STS: variants seen among roughly 807,000 people sequenced by gnomAD.
STS encodes the protein steroid sulfatase, also known as steryl-sulfatase.
A neutral mutation model predicts 26.8 loss-of-function variants in STS; 7 were observed. The observed-to-expected ratio is 0.26, with a 90% CI of 0.15 to 0.49. The LOEUF is 0.49. Ranked by LOEUF, STS falls within the 20% of genes least tolerant of loss-of-function variation. The pLI is 0.98. For missense variants in STS, 434 were observed against 465.6 expected, an observed-to-expected ratio of 0.93 and a Z score of 0.63; for synonymous variants, 199 against 189.4, an observed-to-expected ratio of 1.05 and a Z score of -0.42.
chrX:7,255,890 C>T (rs1359316575), intron 3 of STS, among the ~76,000 whole-genome samples: 1 of 112,444 alleles, frequency 8.9e-6, no homozygotes, highest in East Asian at 2.8e-4. Flanking sequence ...CAGCACTACT[C>T]TGTGAGGGCA....
At chrX:7,274,935 C>T (rs903317022) in intron 6 of STS, among the ~76,000 whole-genome samples, 2 of 111,864 alleles carry the variant, frequency 1.8e-5, no homozygotes, top group African/African-American at 3.3e-5. Context: ...ACTGAAGGTA[C>T]ACAATGGAAT....
At chrX:7,252,957 C>T (rs1259429992) in intron 2 of STS, among the ~76,000 whole-genome samples, 4 of 111,613 alleles carry the variant, frequency 3.6e-5, no homozygotes, top group Non-Finnish European at 7.5e-5. Flanking sequence ...TCAAGACCAG[C>T]CTGGGCAACA....
At chrX:7,279,292 A>ATATATATATAT (rs1555959584) in intron 7 of STS, among the ~76,000 whole-genome samples, 1 of 62,775 alleles carries the variant, frequency 1.6e-5, no homozygotes, top group African/African-American at 6.2e-5. Context: ...AAAAAAAAAA[A>ATATATATATAT]ATATATATAT....
intron 2 of STS, among the ~76,000 whole-genome samples, chrX:7,215,030 T>C (rs1274337063): frequency 5.8e-5 from 4 of 69,047 alleles, no homozygotes; most frequent in Non-Finnish European, 8.7e-5. Context: ...ATATTATATA[T>C]GTATATATAT....
intron 1 of STS, among the ~76,000 whole-genome samples, chrX:7,153,015 C>T (rs760487925): frequency 8.1e-5 from 9 of 111,798 alleles, no homozygotes; most frequent in Non-Finnish European, 1.7e-4. Context: ...GATGTGTGCT[C>T]CAAAAATGTG....
At chrX:7,283,453 T>G (rs970879699) in intron 7 of STS, among the ~76,000 whole-genome samples, 1 of 111,796 alleles carries the variant, frequency 8.9e-6, no homozygotes, top group African/African-American at 3.3e-5. Context: ...AATTGTAGAA[T>G]TATAGTGTAT....
At chrX:7,307,883 GGAC>G (rs1926292892) in intron 8 of STS, among the ~76,000 whole-genome samples, 1 of 112,013 alleles carries the variant, frequency 8.9e-6, no homozygotes, top group South Asian at 3.7e-4. Context: ...AACAACTATG[GGAC>G]ATATGTTAAA....
chrX:7,244,444 C>G (rs1467194863), intron 2 of STS, among the ~76,000 whole-genome samples: 1 of 111,775 alleles, frequency 8.9e-6, no homozygotes, highest in East Asian at 2.8e-4. Context: ...AATGGTTTGG[C>G]ATTTCCAAAT....
chrX:7,324,480 C>G (rs1166197459), intron 8 of STS, among the ~76,000 whole-genome samples: 2 of 111,896 alleles, frequency 1.8e-5, no homozygotes, highest in African/African-American at 6.5e-5. Flanking sequence ...ATTTTCTGCA[C>G]AAGAGACAGC....
chrX:7,316,940 C>G (rs1926736747), intron 8 of STS, among the ~76,000 whole-genome samples: 1 of 111,852 alleles, frequency 8.9e-6, no homozygotes, highest in South Asian at 3.7e-4. Flanking sequence ...TCATAAAACT[C>G]TGCCCAGATC....
At chrX:7,192,019 G>A (rs374201113) in intron 2 of STS, among the ~76,000 whole-genome samples, 6 of 112,419 alleles carry the variant, frequency 5.3e-5, no homozygotes, top group African/African-American at 1.6e-4. Context: ...GACCACTATG[G>A]CACTATGCTA....
At chrX:7,228,670 AG>A (rs1159922819) in intron 2 of STS, among the ~76,000 whole-genome samples, 2 of 112,119 alleles carry the variant, frequency 1.8e-5, no homozygotes, top group Non-Finnish European at 3.8e-5. Context: ...CCCCTTCCAT[AG>A]GTTGCCTTTT....
intron 1 of STS, among the ~76,000 whole-genome samples, chrX:7,164,167 A>G (rs1260593962): frequency 4.5e-5 from 5 of 111,734 alleles, no homozygotes; most frequent in African/African-American, 1.3e-4. Flanking sequence ...GCTGCTGTCC[A>G]AGACTTCGCT....
chrX:7,229,775 C>G (rs7879652), intron 2 of STS, among the ~76,000 whole-genome samples: 1,808 of 111,109 alleles, frequency 0.016, 36 homozygotes, highest in African/African-American at 0.053. Flanking sequence ...TCTCCCTACT[C>G]CTGCTACCAG....
At chrX:7,300,843 G>T (rs1302789368) in intron 7 of STS, among the ~76,000 whole-genome samples, 1 of 111,298 alleles carries the variant, frequency 9.0e-6, no homozygotes. Flanking sequence ...ATTTGGAGGA[G>T]ATATCCAGGG....
chrX:7,191,102 G>A (rs1933864028), intron 2 of STS, 94 bp downstream of exon 2: 1 of 435,452 alleles, frequency 2.3e-6, no homozygotes, highest in Non-Finnish European at 2.9e-6. Context: ...ATAGTGGTAT[G>A]CAGTGATCTT....
intron 2 of STS, among the ~76,000 whole-genome samples, chrX:7,211,917 CTG>C (rs199535018): frequency 0.042 from 4,636 of 111,672 alleles, 233 homozygotes; most frequent in African/African-American, 0.14. Context: ...AAAAGCCAAA[CTG>C]GGACTGAATC....
rs752170778 is a variant in STS at position 7,213,259 on chromosome X, C to T, written c.-5+22251C>T. On this transcript the variant is annotated intron_variant, in intron 2 of 10. Coordinates refer to ENST00000674429, the MANE Select transcript of STS (RefSeq NM_001320752.2). ...GGCCTCAGTTCAAAAATACTTCTCT[C>T]TCAAGGCAGTGGCTTAGGGGCCTTG... Among the ~76,000 whole-genome samples the T allele has an allele frequency of 2.7e-5, 3 of 112,063 alleles. No homozygotes were observed. The South Asian group carries it at 1.1e-3, about 42-fold the overall frequency.
At chrX:7,226,406 T>A (rs1179303323) in intron 2 of STS, among the ~76,000 whole-genome samples, 2 of 112,205 alleles carry the variant, frequency 1.8e-5, no homozygotes, top group African/African-American at 6.5e-5. Context: ...CTGTTGATAG[T>A]TATTTGGATT....
Sources: gnomAD v4.1 joint callset for allele counts (sites outside exome capture counted in the v4.1 genomes callset) on GRCh38, gnomAD v4.1.1 for gene constraint, MANE v1.5 for transcripts, NCBI Gene and HGNC (gene_info 2026-07-23, HGNC 2026-07-21) for gene names.